The following SLC30A5 variants were observed in gnomAD, a reference collection of about 807,000 sequenced individuals.
The protein encoded by SLC30A5 is solute carrier family 30 member 5, also known as proton-coupled zinc antiporter SLC30A5.
SLC30A5 carries 33 observed loss-of-function variants against 79.6 expected under a neutral mutation model. The observed-to-expected ratio is 0.41, with a 90% CI of 0.31 to 0.55. The LOEUF (loss-of-function observed/expected upper bound fraction) is 0.55, where lower values mean the gene tolerates loss of function less well. Ranked by LOEUF, SLC30A5 falls within the 20% of genes least tolerant of loss-of-function variation. The pLI is 0.20. For synonymous variants in SLC30A5, 299 were observed against 319.7 expected, an observed-to-expected ratio of 0.94 and a Z score of 0.69; for missense variants, 788 against 928.1, an observed-to-expected ratio of 0.85 and a Z score of 1.96.
At chr5:69,121,999 A>T (rs1335774895) in intron 13 of SLC30A5, 104 bp downstream of exon 13, 7 of 868,520 alleles carry the variant, frequency 8.1e-6, no homozygotes, top group Non-Finnish European at 1.2e-5. Context: ...TATGATTTTT[A>T]AAAAGCAATC....
intron 14 of SLC30A5, among the ~76,000 whole-genome samples, chr5:69,125,932 C>T (rs989247802): frequency 1.3e-5 from 2 of 149,324 alleles, no homozygotes; most frequent in African/African-American, 5.0e-5. Flanking sequence ...ACCTGTAATC[C>T]CAACTACCTG....
intron 14 of SLC30A5, among the ~76,000 whole-genome samples, chr5:69,124,725 C>T (rs1656654431): frequency 6.6e-6 from 1 of 152,020 alleles, no homozygotes; most frequent in South Asian, 2.1e-4. Context: ...ACAGGCCTAC[C>T]ACACCCAGCT....
In SLC30A5 at chr5:69,128,038, A is replaced by G; in HGVS notation, c.2033A>G (p.Asp678Gly). 4 of 1,611,826 alleles carry G rather than the reference A, an allele frequency of 2.5e-6. No homozygotes were observed. The highest frequency in any genetic ancestry group is 3.4e-6 in the Non-Finnish European group (4 of 1,178,426). ...QKIEGLISYR[D>G]PHFWRHSASI... Reference sequence around the variant, plus strand: ...ATTGAAGGATTAATATCATACCGAGACCCTCATTTTTGGCGTCATTCTGCT... The same window carrying G: ...ATTGAAGGATTAATATCATACCGAGGCCCTCATTTTTGGCGTCATTCTGCT... The change falls in exon 15 of 16, where the codon GAC becomes GGC. Residue 678 changes from aspartate (D) to glycine (G), a missense_variant. By Grantham distance (94) the Asp-to-Gly change is moderately conservative. This residue lies in a region of SLC30A5 where 158 missense variants were observed against 156.2 expected (regional missense o/e 1.01). Coordinates refer to ENST00000396591, the MANE Select transcript of SLC30A5 (RefSeq NM_022902.5).
chr5:69,113,680 T>C (rs895491776), intron 6 of SLC30A5, among the ~76,000 whole-genome samples: 18 of 152,194 alleles, frequency 1.2e-4, no homozygotes, highest in African/African-American at 4.3e-4. Flanking sequence ...ACTCTTCTCT[T>C]ACAGAAACCC....
intron 15 of SLC30A5, among the ~76,000 whole-genome samples, chr5:69,128,730 A>T (rs2112010266): frequency 6.6e-6 from 1 of 152,330 alleles, no homozygotes; most frequent in South Asian, 2.1e-4. Context: ...GTAGATTATC[A>T]AAAAATAAGT....
At position 69,123,243 on chromosome 5, in the gene SLC30A5, G is replaced by A; in HGVS notation, c.1816G>A (p.Val606Met). ...GGCAGATACACTTGGCAGCATTGGT[G>A]TGATCGTATCCACAGTTCTTATAGA... ...VLADTLGSIG[V>M]IVSTVLIEQF... The change falls in exon 14 of 16, where the codon GTG becomes ATG. Residue 606 changes from valine (V) to methionine (M), a missense_variant. Around this residue, in one of 3 missense-constraint regions of SLC30A5, gnomAD observed 626 missense variants for 755.5 expected, o/e 0.83. Coordinates refer to ENST00000396591, the MANE Select transcript of SLC30A5 (RefSeq NM_022902.5). 3 of 1,613,704 alleles carry A rather than the reference G, an allele frequency of 1.9e-6. No individual in the cohort carries two copies. Among genetic ancestry groups the A allele is most frequent in the Non-Finnish European group, 2.5e-6 (3 of 1,179,806 alleles).
At position 69,095,902 on chromosome 5, in the gene SLC30A5, A is replaced by T. The variant is rs538074602; in HGVS notation, c.83+1564A>T. On this transcript the variant is annotated intron_variant, in intron 1 of 15. Coordinates refer to ENST00000396591, the MANE Select transcript of SLC30A5 (RefSeq NM_022902.5). ...TGGTGAGACCCCATCTCTACTAAAA[A>T]TACCAAAAAAAAAAAAAAAATTAGT... 3.2e-5 allele frequency among the ~76,000 whole-genome samples: 4 copies of T among 123,334 alleles called. No individual in the cohort carries two copies. The East Asian group carries it at 9.8e-4, about 30-fold the overall frequency. 80.9% of individuals were successfully genotyped at this position (123,334 alleles called of 152,430 possible).
At chr5:69,098,079 C>T (rs575913489) in intron 1 of SLC30A5, among the ~76,000 whole-genome samples, 1 of 151,960 alleles carries the variant, frequency 6.6e-6, no homozygotes, top group Admixed American at 6.6e-5. Context: ...AACTCCTGGA[C>T]TCAAGTAATC....
At chr5:69,109,355 T>A (rs1047126129) in intron 5 of SLC30A5, among the ~76,000 whole-genome samples, 44 of 145,770 alleles carry the variant, frequency 3.0e-4, no homozygotes, top group African/African-American at 1.0e-3. Context: ...AATCAAAAAT[T>A]AAAAAAAAAA....
At chr5:69,120,017 CAAAA>C (rs35168466) in intron 12 of SLC30A5, among the ~76,000 whole-genome samples, 1 of 64,214 alleles carries the variant, frequency 1.6e-5, no homozygotes, top group Non-Finnish European at 2.8e-5. Flanking sequence ...GACTCTGCCT[CAAAA>C]AAAAAAAAAA....
chr5:69,123,967 G>T (rs1338485498), intron 14 of SLC30A5, among the ~76,000 whole-genome samples: 1 of 151,918 alleles, frequency 6.6e-6, no homozygotes, highest in Non-Finnish European at 1.5e-5. Flanking sequence ...CAAAAAATTA[G>T]CCGGGCGTGG....
rs1475445994 is a variant in SLC30A5 at position 69,115,323 on chromosome 5, A to G, written c.699A>G (p.Gly233=). ...GAAAGCTCTCTGTCGACGTTGGTGG[A>G]GCTAAACGTCTTCAAGCTTTATCTC... is the stretch of plus-strand genomic sequence containing the variant. ...ASRKLSVDVG[G]AKRLQALSHL... The change falls in exon 8 of 16, where the codon GGA becomes GGG. Residue 233 remains glycine, a synonymous_variant. Transcript: ENST00000396591. The G allele has an allele frequency of 6.2e-7, 1 of 1,613,848 alleles. No individual in the cohort carries two copies. The highest frequency in any genetic ancestry group is 2.2e-5 in the East Asian group (1 of 44,874).
chr5:69,102,282 G>A (rs1313335242), intron 2 of SLC30A5, among the ~76,000 whole-genome samples: 2 of 151,372 alleles, frequency 1.3e-5, no homozygotes, highest in Non-Finnish European at 2.9e-5. Context: ...TCCAACTCCT[G>A]ACCTCAGGTG....
At chr5:69,103,924 A>G (rs1169166205) in intron 3 of SLC30A5, 1 of 1,412,786 alleles carries the variant, frequency 7.1e-7, no homozygotes. Flanking sequence ...TATGATTAAT[A>G]GTCTAAACCC....
At position 69,118,437 on chromosome 5, in the gene SLC30A5, A is replaced by G. The variant is rs190255312; in HGVS notation, c.1440-62A>G. The G allele has an allele frequency of 5.2e-4, 747 of 1,439,648 alleles. 5 individuals carry two copies. The African/African-American group carries it at 9.1e-3, about 17-fold the overall frequency. 89.2% of individuals were successfully genotyped at this position (1,439,648 alleles called of 1,614,324 possible). A position where few individuals can be genotyped will look rare whatever the true frequency, so the allele number is the denominator to read the frequency against. ...AATTTGGACTTGTTTCCTCATTTAT[A>G]AAGTTTATACTTTAAAAATATTTGT... On this transcript the variant is annotated intron_variant, in intron 11 of 15. Transcript: ENST00000396591.
intron 15 of SLC30A5, 116 bp downstream of exon 15, chr5:69,128,248 C>CTAT: frequency 8.6e-6 from 4 of 463,266 alleles, no homozygotes; most frequent in Non-Finnish European, 1.3e-5. Context: ...AATCTTCCAA[C>CTAT]TCTTTTTTTT....
chr5:69,126,747 G>A lies in SLC30A5; in HGVS notation c.1999-1257G>A, dbSNP rs373047892. ...ATCACACCACTGCACTCCAGCCTGG[G>A]CGACAGAGTGAGACTCTGTCTTAAA... is the stretch of plus-strand genomic sequence containing the variant. On this transcript the variant is annotated intron_variant, in intron 14 of 15. Coordinates refer to ENST00000396591, the MANE Select transcript of SLC30A5 (RefSeq NM_022902.5). Among the ~76,000 whole-genome samples the A allele has an allele frequency of 9.7e-4, 147 of 151,610 alleles. 1 individual carries two copies. In the East Asian group the frequency reaches 0.025, roughly 25 times the overall value.
intron 1 of SLC30A5, among the ~76,000 whole-genome samples, chr5:69,100,254 G>A (rs114722716): frequency 0.027 from 4,131 of 152,076 alleles, 179 homozygotes; most frequent in African/African-American, 0.093. Context: ...AGGCATGAGC[G>A]CCCAGCCTGT....
Position 69,116,205 on chromosome 5 carries a change from T to C in SLC30A5, c.1063T>C (p.Phe355Leu), listed in dbSNP as rs1189404769. The change falls in exon 9 of 16, where the codon TTC (phenylalanine) becomes CTC (leucine). Residue 355 changes from phenylalanine (F) to leucine (L), a missense_variant. Physicochemically the swap from Phe to Leu is conservative, Grantham distance 22 (BLOSUM62 0). Transcript: ENST00000396591. This position sits in a 1 kb window ranked among gnomAD's most constrained non-coding sequence, Gnocchi z 4.0. ...AGGAGTGGTAGTGAGTGCTATATTCTTCATTTTGTGTAAGCATTCCCCCCT... is the reference window on the plus strand; with the variant it reads ...AGGAGTGGTAGTGAGTGCTATATTCCTCATTTTGTGTAAGCATTCCCCCCT... The part of the protein sequence containing the change: ...SGGVVVSAIF[F>L]ILSANILSSP... The C allele has an allele frequency of 6.4e-7, 1 of 1,570,432 alleles. No individual in the cohort carries two copies. Among genetic ancestry groups the C allele is most frequent in the South Asian group, 1.2e-5 (1 of 84,246 alleles).
Sources: allele counts gnomAD v4.1 joint callset (sites outside exome capture counted in the v4.1 genomes callset), GRCh38; gene constraint gnomAD v4.1.1; regional missense constraint gnomAD v4.1.1; non-coding constraint Gnocchi (gnomAD v3.1); transcripts MANE v1.5; gene names NCBI Gene and HGNC (gene_info 2026-07-23, HGNC 2026-07-21).